ARB2A: variants seen among roughly 807,000 people sequenced by gnomAD.
ARB2A encodes the protein cotranscriptional regulator ARB2A.
the ARB2A span, among the ~76,000 whole-genome samples, chr5:94,084,991 T>A: frequency 1.4e-4 from 21 of 152,128 alleles, no homozygotes; most frequent in Admixed American, 1.2e-3. Flanking sequence ...TTTACACTTA[T>A]TAGAAAAAAT....
chr5:93,623,654 T>G, the ARB2A span, among the ~76,000 whole-genome samples: 1 of 152,084 alleles, frequency 6.6e-6, no homozygotes, highest in African/African-American at 2.4e-5. Context: ...ACTGAATACT[T>G]GTACTGGCTC....
the ARB2A span, among the ~76,000 whole-genome samples, chr5:93,976,162 T>C: frequency 2.4e-3 from 362 of 152,262 alleles, 2 homozygotes; most frequent in African/African-American, 8.3e-3. Flanking sequence ...TTTATTGTTA[T>C]TGAGATGATC....
the ARB2A span, among the ~76,000 whole-genome samples, chr5:93,676,187 T>C: frequency 6.6e-6 from 1 of 152,042 alleles, no homozygotes; most frequent in Non-Finnish European, 1.5e-5. Flanking sequence ...GAAAACACAT[T>C]TGGAATCAAT....
the ARB2A span, among the ~76,000 whole-genome samples, chr5:93,847,648 G>C: frequency 6.6e-6 from 1 of 152,114 alleles, no homozygotes; most frequent in Non-Finnish European, 1.5e-5. Context: ...ACATTTATCA[G>C]GTAGTTGCTA....
chr5:93,934,039 T>A, the ARB2A span, among the ~76,000 whole-genome samples: 1 of 151,816 alleles, frequency 6.6e-6, no homozygotes, highest in Non-Finnish European at 1.5e-5. Context: ...GAGGGCAAAC[T>A]GGAGAGAAAA....
At chr5:93,786,386 G>C in the ARB2A span, among the ~76,000 whole-genome samples, 1 of 152,162 alleles carries the variant, frequency 6.6e-6, no homozygotes, top group African/African-American at 2.4e-5. Context: ...TCATACAGTG[G>C]AAGTGATAAC....
chr5:93,657,264 A>C, the ARB2A span, among the ~76,000 whole-genome samples: 1 of 152,134 alleles, frequency 6.6e-6, no homozygotes, highest in East Asian at 1.9e-4. Context: ...CTGCACATGA[A>C]GTGGGAAAAC....
At chr5:94,050,292 T>A in the ARB2A span, among the ~76,000 whole-genome samples, 6 of 149,614 alleles carry the variant, frequency 4.0e-5, no homozygotes, top group African/African-American at 1.5e-4. Flanking sequence ...TCTTGCTCTG[T>A]CACCCAGGCT....
the ARB2A span, among the ~76,000 whole-genome samples, chr5:93,688,933 TG>T: frequency 6.6e-6 from 1 of 152,232 alleles, no homozygotes; most frequent in African/African-American, 2.4e-5. Context: ...CTTTTAGTCC[TG>T]TAACTCTCTT....
the ARB2A span, among the ~76,000 whole-genome samples, chr5:93,796,478 T>C: frequency 6.6e-6 from 1 of 152,144 alleles, no homozygotes; most frequent in East Asian, 1.9e-4. Context: ...AGCTGCCAGA[T>C]ACTGGGAGAG....
the ARB2A span, among the ~76,000 whole-genome samples, chr5:93,827,672 A>G: frequency 1.3e-5 from 2 of 151,730 alleles, no homozygotes; most frequent in Non-Finnish European, 2.9e-5. Context: ...GTCCTTGCCC[A>G]TGCCTATGTC....
the ARB2A span, among the ~76,000 whole-genome samples, chr5:93,711,166 G>A: frequency 5.3e-5 from 8 of 151,318 alleles, no homozygotes; most frequent in African/African-American, 1.9e-4. Flanking sequence ...AAGGATCCTA[G>A]GGTAGCATTT....
At chr5:94,014,704 T>C in the ARB2A span, among the ~76,000 whole-genome samples, 1 of 151,578 alleles carries the variant, frequency 6.6e-6, no homozygotes, top group Non-Finnish European at 1.5e-5. Context: ...GAAATAATAA[T>C]AATAAAATCA....
chr5:94,027,523 T>C, the ARB2A span, among the ~76,000 whole-genome samples: 1 of 152,100 alleles, frequency 6.6e-6, no homozygotes, highest in East Asian at 1.9e-4. Flanking sequence ...GGAGAACTTC[T>C]GAATAGTTAA....
the ARB2A span, among the ~76,000 whole-genome samples, chr5:93,898,539 T>A: frequency 2.0e-5 from 3 of 152,064 alleles, no homozygotes; most frequent in Non-Finnish European, 4.4e-5. Flanking sequence ...GTGATAAACC[T>A]CTTTAGTGAC....
the ARB2A span, among the ~76,000 whole-genome samples, chr5:93,644,135 C>T: frequency 2.0e-5 from 3 of 152,196 alleles, no homozygotes; most frequent in Non-Finnish European, 2.9e-5. Context: ...CAGTGCCACA[C>T]ATAAGAGGCT....
At chr5:94,037,273 G>T in the ARB2A span, among the ~76,000 whole-genome samples, 1 of 152,166 alleles carries the variant, frequency 6.6e-6, no homozygotes, top group East Asian at 1.9e-4. Flanking sequence ...CCTATACGTA[G>T]TATTCCACTT....
At chr5:93,636,568 G>A in the ARB2A span, among the ~76,000 whole-genome samples, 4 of 152,214 alleles carry the variant, frequency 2.6e-5, no homozygotes, top group African/African-American at 9.6e-5. Context: ...CATTGAATCT[G>A]TTGGCTCCCT....
At chr5:94,033,064 T>C in the ARB2A span, among the ~76,000 whole-genome samples, 1 of 152,294 alleles carries the variant, frequency 6.6e-6, no homozygotes, top group African/African-American at 2.4e-5. Context: ...TGCTCACTTC[T>C]TCTCTTCTGC....
Sources: gnomAD v4.1 joint callset for allele counts (sites outside exome capture counted in the v4.1 genomes callset) on GRCh38, gnomAD v4.1.1 for gene constraint, MANE v1.5 for transcripts, NCBI Gene and HGNC (gene_info 2026-07-23, HGNC 2026-07-21) for gene names.